Variants in MAP2K5 observed in about 807,000 individuals in gnomAD.
MAP2K5 encodes the protein mitogen-activated protein kinase kinase 5.
Under a neutral mutation model 83.1 loss-of-function variants are expected in MAP2K5, and 49 were observed. The ratio of observed to expected loss-of-function variants is 0.59; its 90% CI spans 0.47 to 0.75. MAP2K5 has a LOEUF of 0.75. MAP2K5 is among the 30% of genes least tolerant of loss of function. MAP2K5 has a pLI of 0.00. For synonymous variants in MAP2K5, 202 were observed against 191.8 expected (o/e 1.05, Z -0.44); for missense variants, 457 against 557.5 (o/e 0.82, Z 1.82).
At position 67,550,035 on chromosome 15, in the gene MAP2K5, A is replaced by G. The variant is rs772729309; in HGVS notation, c.137A>G (p.Asp46Gly). Residue 46 changes from aspartate (D) to glycine (G), a missense_variant and splice_region_variant, in exon 2 of 22, where the codon GAT becomes GGT. By Grantham distance (94) the Asp-to-Gly change is moderately conservative. Coordinates refer to ENST00000178640, the MANE Select transcript of MAP2K5 (RefSeq NM_145160.3). ...TTTCTTTATTCTTTCTTTGTTTAGG[A>G]TGTGATAGGCCAGGTTCTGCCTGAA... is the stretch of plus-strand genomic sequence containing the variant. The part of the protein sequence containing the change: ...GPQLLFRDVL[D>G]VIGQVLPEAT... The G allele has an allele frequency of 1.9e-6, 3 of 1,612,478 alleles. No homozygotes were observed. Among genetic ancestry groups the G allele is most frequent in the South Asian group, 1.1e-5 (1 of 91,034 alleles).
chr15:67,614,032 C>G (rs991857631), intron 8 of MAP2K5, among the ~76,000 whole-genome samples: 6 of 152,096 alleles, frequency 3.9e-5, no homozygotes, highest in African/African-American at 1.4e-4. Context: ...TGACCATATC[C>G]AGAGAATGTT....
chr15:67,594,489 A>G (rs1022248649), intron 7 of MAP2K5, among the ~76,000 whole-genome samples: 1 of 152,210 alleles, frequency 6.6e-6, no homozygotes, highest in Non-Finnish European at 1.5e-5. Context: ...CAGCCCAGAC[A>G]ATGGAAAATA....
At position 67,577,244 on chromosome 15, in the gene MAP2K5, A is replaced by G. The variant is rs79153127; in HGVS notation, c.253-3510A>G. Among the ~76,000 whole-genome samples, 950 of 152,286 alleles carry G rather than the reference A, an allele frequency of 6.2e-3. 6 individuals are homozygous for G. Among genetic ancestry groups the G allele is most frequent in the African/African-American group, 0.021 (887 of 41,554 alleles). On this transcript the variant is annotated intron_variant, in intron 3 of 21. Transcript: ENST00000178640. This position sits in a 1 kb window ranked among gnomAD's most constrained non-coding sequence, Gnocchi z 4.1. The stretch of plus-strand genomic sequence containing the variant: ...GCCACCGTGCCCGGCCAGTAACCCT[A>G]TATATTAGGGTAAATATTTTTATGC...
At chr15:67,581,807 A>C (rs1212903721) in intron 4 of MAP2K5, among the ~76,000 whole-genome samples, 1 of 152,126 alleles carries the variant, frequency 6.6e-6, no homozygotes, top group Non-Finnish European at 1.5e-5. Flanking sequence ...CCACAAGAAG[A>C]TCTGGGTTCA....
chr15:67,643,108 T>A lies in MAP2K5; in HGVS notation c.586-3123T>A, dbSNP rs118036636. On this transcript the variant is annotated intron_variant, in intron 9 of 21. Transcript: ENST00000178640. ...TTGGGGTAAAGCCTGCACCTTGGGA[T>A]TTTTTTCAAGTGCCCTAGGTATTAC... Among the ~76,000 whole-genome samples the A allele has an allele frequency of 5.9e-4, 90 of 152,254 alleles. 2 individuals are homozygous for A. The East Asian group carries it at 0.017, about 29-fold the overall frequency.
intron 2 of MAP2K5, among the ~76,000 whole-genome samples, chr15:67,557,522 C>T (rs1261092310): frequency 6.6e-6 from 1 of 152,160 alleles, no homozygotes; most frequent in East Asian, 1.9e-4. Context: ...ATACTCTCTC[C>T]TTATTGCACA....
At chr15:67,767,144 G>A (rs2090055611) in intron 19 of MAP2K5, among the ~76,000 whole-genome samples, 1 of 152,050 alleles carries the variant, frequency 6.6e-6, no homozygotes, top group East Asian at 1.9e-4. Context: ...TATAATATGA[G>A]GAACTTAACA....
At chr15:67,716,648 A>G (rs1294311841) in intron 16 of MAP2K5, among the ~76,000 whole-genome samples, 1 of 152,220 alleles carries the variant, frequency 6.6e-6, no homozygotes, top group Non-Finnish European at 1.5e-5. Flanking sequence ...TTGTTAAATC[A>G]GACCACTTCT....
In MAP2K5 at chr15:67,640,153, A is replaced by G. The variant is rs2086683114; in HGVS notation, c.586-6078A>G. On this transcript the variant is annotated intron_variant, in intron 9 of 21. Transcript: ENST00000178640. This position sits in a 1 kb window ranked among gnomAD's most constrained non-coding sequence, Gnocchi z 4.6. ...CCGTGATTCCTGCAGATCCTTGCAT[A>G]TAGGGTATAGTACAAAGCATTACAC... Among the ~76,000 whole-genome samples the G allele has an allele frequency of 6.6e-6, 1 of 152,152 alleles. No homozygotes were observed. Among genetic ancestry groups the G allele is most frequent in the Admixed American group, 6.5e-5 (1 of 15,272 alleles).
At chr15:67,597,836 G>A (rs955142170) in intron 7 of MAP2K5, among the ~76,000 whole-genome samples, 1 of 152,074 alleles carries the variant, frequency 6.6e-6, no homozygotes, top group Non-Finnish European at 1.5e-5. Flanking sequence ...TACATGAGGA[G>A]TATTTGTACA....
chr15:67,593,845 T>A (rs1379602203), intron 7 of MAP2K5, among the ~76,000 whole-genome samples: 2 of 152,242 alleles, frequency 1.3e-5, no homozygotes, highest in Non-Finnish European at 2.9e-5. Context: ...GCTTATTCAG[T>A]GCCTTCACAC....
chr15:67,592,941 T>C lies in MAP2K5; in HGVS notation c.447T>C (p.Ser149=), dbSNP rs750915794. 2 of 1,609,258 alleles carry C rather than the reference T, an allele frequency of 1.2e-6. No individual in the cohort carries two copies. Among genetic ancestry groups the C allele is most frequent in the East Asian group, 4.5e-5 (2 of 44,824 alleles). ...TCCTTTTCAGCTTAAAGAAGTCTTC[T>C]GCTGAACTGAAAAAAATACTAGCCA... is the stretch of plus-strand genomic sequence containing the variant. ...SLPSNSLKKS[S]AELKKILANG... is the part of the protein sequence containing the mutation. The change falls in exon 7 of 22, where the codon TCT becomes TCC. Residue 149 remains serine, a synonymous_variant. Coordinates refer to ENST00000178640, the MANE Select transcript of MAP2K5 (RefSeq NM_145160.3).
intron 3 of MAP2K5, among the ~76,000 whole-genome samples, chr15:67,576,824 C>CT (rs1423101572): frequency 6.8e-6 from 1 of 147,124 alleles, no homozygotes; most frequent in African/African-American, 2.5e-5. Context: ...AGGAGGTGTA[C>CT]TTTTAAATTT....
At position 67,722,140 on chromosome 15, in the gene MAP2K5, G is replaced by A. The variant is rs769867725; in HGVS notation, c.1045-5776G>A. ...TCCTCTTCCTCATAGTTCTAGACATGAACAAATATGTCACTTCATCAGTCT... is the reference window on the plus strand; with the variant it reads ...TCCTCTTCCTCATAGTTCTAGACATAAACAAATATGTCACTTCATCAGTCT... On this transcript the variant is annotated intron_variant, in intron 16 of 21. Coordinates refer to ENST00000178640, the MANE Select transcript of MAP2K5 (RefSeq NM_145160.3). This position sits in a 1 kb window ranked among gnomAD's most constrained non-coding sequence, Gnocchi z 4.2. Among the ~76,000 whole-genome samples the A allele has an allele frequency of 6.6e-6, 1 of 152,242 alleles. No homozygotes were observed. The highest frequency in any genetic ancestry group is 2.4e-5 in the African/African-American group (1 of 41,566).
At chr15:67,710,648 C>CA (rs2088669109) in intron 16 of MAP2K5, among the ~76,000 whole-genome samples, 1 of 152,196 alleles carries the variant, frequency 6.6e-6, no homozygotes, top group South Asian at 2.1e-4. Context: ...GGATCACAGG[C>CA]ATGCGCCACC....
chr15:67,683,685 G>C (rs539063871), intron 13 of MAP2K5, among the ~76,000 whole-genome samples: 1 of 152,194 alleles, frequency 6.6e-6, no homozygotes, highest in African/African-American at 2.4e-5. Context: ...GCTTGAACCT[G>C]GGCATTGGAG....
intron 6 of MAP2K5, among the ~76,000 whole-genome samples, chr15:67,592,707 T>G (rs781576650): frequency 2.6e-5 from 4 of 152,228 alleles, no homozygotes; most frequent in Non-Finnish European, 4.4e-5. Context: ...ACTGTAGGCT[T>G]CTTTATTGCT....
chr15:67,580,198 G>A (rs1243020068), intron 3 of MAP2K5, among the ~76,000 whole-genome samples: 1 of 152,166 alleles, frequency 6.6e-6, no homozygotes, highest in Non-Finnish European at 1.5e-5. Flanking sequence ...TAAGGCTAAA[G>A]CATAAAAGGT....
intron 11 of MAP2K5, among the ~76,000 whole-genome samples, chr15:67,654,839 T>C (rs905163151): frequency 2.0e-5 from 3 of 152,050 alleles, no homozygotes; most frequent in African/African-American, 7.2e-5. Flanking sequence ...GGTGCGCGGA[T>C]CACCTGAGGT....
Sources: gnomAD v4.1 joint callset for allele counts (sites outside exome capture counted in the v4.1 genomes callset) on GRCh38, gnomAD v4.1.1 for gene constraint, Gnocchi (gnomAD v3.1) non-coding constraint, MANE v1.5 for transcripts, NCBI Gene and HGNC (gene_info 2026-07-23, HGNC 2026-07-21) for gene names.